The following HCRT variants were observed in gnomAD, a reference collection of about 807,000 sequenced individuals.
The protein encoded by HCRT is hypocretin (orexin) neuropeptide.
A neutral mutation model predicts 5.7 loss-of-function variants in HCRT; 5 were observed. That is an observed-to-expected ratio of 0.87 (90% CI 0.45 to 1.83). The LOEUF (loss-of-function observed/expected upper bound fraction) is 1.83. Among genes scored for constraint, HCRT ranks in the 40% most tolerant of loss-of-function variants. HCRT has a pLI of 0.02. For missense variants in HCRT, 207 were observed against 191.8 expected, an observed-to-expected ratio of 1.08 and a Z score of -0.47; for synonymous variants, 114 against 99.0, an observed-to-expected ratio of 1.15 and a Z score of -0.90.
chr17:42,184,549 C>T, intron 1 of HCRT, 21 bp from the exon 2 acceptor site: 1 of 1,493,122 alleles, frequency 6.7e-7, no homozygotes, highest in Non-Finnish European at 8.9e-7. Context: ...GGAGACAGGG[C>T]GCTGGGGGGG....
rs2079921349 is a variant in HCRT at position 42,184,082 on chromosome 17, C to T, written c.*72G>A. On this transcript the variant is annotated 3_prime_UTR_variant, in exon 2 of 2. Coordinates refer to ENST00000293330, the MANE Select transcript of HCRT (RefSeq NM_001524.1). ...ACGAATGGAGACTCGTCTTTATTGCCTTTTTTCTGGGGGCTGACGCTGGGT... is the reference window on the plus strand; with the variant it reads ...ACGAATGGAGACTCGTCTTTATTGCTTTTTTTCTGGGGGCTGACGCTGGGT... 5 of 1,233,194 alleles carry T rather than the reference C, an allele frequency of 4.1e-6. No individual in the cohort carries two copies. The highest frequency in any genetic ancestry group is 3.2e-4 in the Middle Eastern group (1 of 3,162). 76.4% of individuals were successfully genotyped at this position (1,233,194 alleles called of 1,614,324 possible).
At chr17:42,184,743 C>A (rs1458414759) in intron 1 of HCRT, among the ~76,000 whole-genome samples, 1 of 152,244 alleles carries the variant, frequency 6.6e-6, no homozygotes, top group Non-Finnish European at 1.5e-5. Context: ...CCCCAGGAAG[C>A]CTTTTGAGAC....
Position 42,184,248 on chromosome 17 carries a change from GCGCGGCGGCC to G in HCRT, c.292_301del (p.Gly98GlnfsTer58). ...GGGGCGCGGCGCTGGCTCTGCGCCT[GCGCGGCGGCC>G]CATGGTCAGGATGCCCGCGGCGTGG... is the stretch of plus-strand genomic sequence containing the variant. On this transcript the variant is annotated frameshift_variant, in exon 2 of 2. Coordinates refer to ENST00000293330, the MANE Select transcript of HCRT (RefSeq NM_001524.1). LOFTEE classifies it low-confidence loss of function (END_TRUNC). The G allele has an allele frequency of 7.4e-7, 1 of 1,354,648 alleles. No individual in the cohort carries two copies. Among genetic ancestry groups the G allele is most frequent in the Non-Finnish European group, 9.4e-7 (1 of 1,058,562 alleles). The allele number at this position is 1,354,648 out of a possible 1,614,324, so 83.9% of individuals were successfully genotyped here. A position where few individuals can be genotyped will look rare whatever the true frequency, so the allele number is the denominator to read the frequency against.
chr17:42,184,519 C>T lies in HCRT; in HGVS notation c.31G>A (p.Ala11Thr). Residue 11 changes from alanine (A) to threonine (T), a missense_variant, in exon 2 of 2, where the codon GCC becomes ACC. By Grantham distance (58) the Ala-to-Thr change is moderately conservative. Coordinates refer to ENST00000293330, the MANE Select transcript of HCRT (RefSeq NM_001524.1). MNLPSTKVSWAAVTLLLLLLL... is the reference protein window; with the variant it reads MNLPSTKVSWTAVTLLLLLLL... ...AGCAGCAGCAGTAGCGTCACGGCGGCCCAGGAGACCTAGGGAGACGGAGAC... is the reference window on the plus strand; with the variant it reads ...AGCAGCAGCAGTAGCGTCACGGCGGTCCAGGAGACCTAGGGAGACGGAGAC... 3.2e-6 allele frequency: 5 copies of T among 1,546,916 alleles called. No individual in the cohort carries two copies. The highest frequency in any genetic ancestry group is 4.3e-6 in the Non-Finnish European group (5 of 1,153,528).
rs1195427108 is a variant in HCRT, at chr17:42,184,472, C to T, written c.78G>A (p.Leu26=). 2.5e-6 allele frequency: 4 copies of T among 1,588,600 alleles called. No individual in the cohort carries two copies. The Admixed American group carries it at 5.1e-5, about 20-fold the overall frequency. ...GCTGTGCAGCCGCCCCGGACGACAA[C>T]AGCGCGGGCGGCAGCAGCAGCAGCA... The part of the protein sequence containing the change: ...LLLLLLLPPA[L]LSSGAAAQPL... The change falls in exon 2 of 2, where the codon CTG becomes CTA. Residue 26 remains leucine (L), a synonymous_variant. Coordinates refer to ENST00000293330, the MANE Select transcript of HCRT (RefSeq NM_001524.1).
At position 42,184,348 on chromosome 17, in the gene HCRT, T is replaced by C; in HGVS notation, c.202A>G (p.Lys68Glu). The change falls in exon 2 of 2, where the codon AAG becomes GAG. Residue 68 changes from lysine (K) to glutamate (E), a missense_variant. Transcript: ENST00000293330. ...AGGCCCGGGGGCCCGGACCTCCGCT[T>C]GCCCAGCGTGAGGATGCCGGCCGCG... ...NHAAGILTLGKRRSGPPGLQG... is the reference protein window; with the variant it reads ...NHAAGILTLGERRSGPPGLQG... The C allele has an allele frequency of 1.1e-5, 18 of 1,582,764 alleles. No homozygotes were observed. The highest frequency in any genetic ancestry group is 1.5e-5 in the Non-Finnish European group (18 of 1,169,926).
Position 42,184,189 on chromosome 17 carries a change from C to G in HCRT, c.361G>C (p.Ala121Pro). Residue 121 changes from alanine (A) to proline (P), a missense_variant, in exon 2 of 2, where the codon GCC becomes CCC. Transcript: ENST00000293330. ...GACTGTCCTCCGGGCGCGACGGAGG[C>G]GGCGGCCGGGGCGGAACAGCGGCGC... is the stretch of plus-strand genomic sequence containing the variant. ...LGRRCSAPAA[A>P]SVAPGGQSGI The G allele has an allele frequency of 7.8e-7, 1 of 1,281,972 alleles. No individual in the cohort carries two copies. Among genetic ancestry groups the G allele is most frequent in the Non-Finnish European group, 9.8e-7 (1 of 1,015,352 alleles). The allele number at this position is 1,281,972 out of a possible 1,614,324, so 79.4% of individuals were successfully genotyped here.
chr17:42,184,160 C>A lies in HCRT; in HGVS notation c.390G>T (p.Gly130=). The A allele has an allele frequency of 7.8e-7, 1 of 1,286,058 alleles. No individual in the cohort carries two copies. The allele number at this position is 1,286,058 out of a possible 1,614,324, so 79.7% of individuals were successfully genotyped here. ...ACAGGGCCCGAAGAACGACTCAGAT[C>A]CCGGACTGTCCTCCGGGCGCGACGG... The part of the protein sequence containing the change: ...AASVAPGGQS[G]I The change falls in exon 2 of 2, where the codon GGG becomes GGT. Residue 130 remains glycine, a synonymous_variant. Coordinates refer to ENST00000293330, the MANE Select transcript of HCRT (RefSeq NM_001524.1).
chr17:42,184,370 C>G lies in HCRT; in HGVS notation c.180G>C (p.Ala60=), dbSNP rs534685387. ...GCTTGCCCAGCGTGAGGATGCCGGC[C>G]GCGTGATTGCCCGCGCCGTGCAGCA... ...YELLHGAGNH[A]AGILTLGKRR... Residue 60 remains alanine (A), a synonymous_variant, in exon 2 of 2, where the codon GCG becomes GCC. Coordinates refer to ENST00000293330, the MANE Select transcript of HCRT (RefSeq NM_001524.1). 2.5e-6 allele frequency: 4 copies of G among 1,595,290 alleles called. No individual in the cohort carries two copies. In the African/African-American group the frequency reaches 4.0e-5, roughly 16 times the overall value.
At position 42,184,208 on chromosome 17, in the gene HCRT, G is replaced by C. The variant is rs536458711; in HGVS notation, c.342C>G (p.Arg114=). 129 of 1,304,066 alleles carry C rather than the reference G, an allele frequency of 9.9e-5. No individual in the cohort carries two copies. In the African/African-American group the frequency reaches 2.0e-3, roughly 20 times the overall value. 80.8% of individuals were successfully genotyped at this position (1,304,066 alleles called of 1,614,324 possible). A position where few individuals can be genotyped will look rare whatever the true frequency, so the allele number is the denominator to read the frequency against. The change falls in exon 2 of 2, where the codon CGC becomes CGG. Residue 114 remains arginine, a synonymous_variant. Transcript: ENST00000293330. ...EPAPRPCLGR[R]CSAPAAASVA... ...CGGAGGCGGCGGCCGGGGCGGAACA[G>C]CGGCGCCCGAGGCAGGGGCGCGGCG...
Position 42,184,142 on chromosome 17 carries a change from C to T in HCRT, c.*12G>A, listed in dbSNP as rs994316749. The T allele has an allele frequency of 3.1e-6, 4 of 1,280,016 alleles. No homozygotes were observed. In the African/African-American group the frequency reaches 4.7e-5, roughly 15 times the overall value. 79.3% of individuals were successfully genotyped at this position (1,280,016 alleles called of 1,614,324 possible). A position where few individuals can be genotyped will look rare whatever the true frequency, so the allele number is the denominator to read the frequency against. The stretch of plus-strand genomic sequence containing the variant: ...GCAGAGGCCTGGGCCAGGACAGGGC[C>T]CGAAGAACGACTCAGATCCCGGACT... On this transcript the variant is annotated 3_prime_UTR_variant, in exon 2 of 2. Coordinates refer to ENST00000293330, the MANE Select transcript of HCRT (RefSeq NM_001524.1).
chr17:42,185,195 T>C (rs925444687), intron 1 of HCRT, 150 bp downstream of exon 1: 12 of 741,600 alleles, frequency 1.6e-5, no homozygotes, highest in Non-Finnish European at 2.6e-5. Flanking sequence ...CCCAACCCAA[T>C]GTGAGCCAAG....
In HCRT at chr17:42,185,394, G is replaced by A. The variant is rs887016693; in HGVS notation, c.-29C>T. 5 of 1,612,850 alleles carry A rather than the reference G, an allele frequency of 3.1e-6. No individual in the cohort carries two copies. The highest frequency in any genetic ancestry group is 2.2e-5 in the East Asian group (1 of 44,874). ...GTCTGGCGCTCAGGGTGGGGTAGCC[G>A]GGAAAGGAGATGTCTGTGGTGGTTC... On this transcript the variant is annotated 5_prime_UTR_variant, in exon 1 of 2. Transcript: ENST00000293330.
chr17:42,184,482 G>GGCA lies in HCRT; in HGVS notation c.65_67dup (p.Leu22dup), dbSNP rs747632842. 281 of 1,578,192 alleles carry GGCA rather than the reference G, an allele frequency of 1.8e-4. No homozygotes were observed. The highest frequency in any genetic ancestry group is 2.1e-4 in the Non-Finnish European group (243 of 1,168,564). On this transcript the variant is annotated inframe_insertion, in exon 2 of 2. Transcript: ENST00000293330. ...CGCCCCGGACGACAACAGCGCGGGC[G>GGCA]GCAGCAGCAGCAGCAGCAGCAGTAG...
rs1024608856 is a variant in HCRT, at chr17:42,185,403, G to C, written c.-38C>G. 1.2e-6 allele frequency: 2 copies of C among 1,610,208 alleles called. No homozygotes were observed. Among genetic ancestry groups the C allele is most frequent in the African/African-American group, 2.7e-5 (2 of 74,814 alleles). On this transcript the variant is annotated 5_prime_UTR_variant, in exon 1 of 2. In the 5' UTR this introduces an upstream ATG that the reference lacks. Transcript: ENST00000293330. ...TCAGGGTGGGGTAGCCGGGAAAGGA[G>C]ATGTCTGTGGTGGTTCAAAAAGCCA...
At position 42,184,160 on chromosome 17, in the gene HCRT, C is replaced by T; in HGVS notation, c.390G>A (p.Gly130=). The T allele has an allele frequency of 7.8e-7, 1 of 1,286,058 alleles. No individual in the cohort carries two copies. Among genetic ancestry groups the T allele is most frequent in the South Asian group, 3.0e-5 (1 of 33,600 alleles). 79.7% of individuals were successfully genotyped at this position (1,286,058 alleles called of 1,614,324 possible). ...ACAGGGCCCGAAGAACGACTCAGAT[C>T]CCGGACTGTCCTCCGGGCGCGACGG... ...AASVAPGGQS[G]I Residue 130 remains glycine (G), a synonymous_variant, in exon 2 of 2, where the codon GGG becomes GGA. Transcript: ENST00000293330.
chr17:42,184,323 A>AGGCCCGGG lies in HCRT; in HGVS notation c.219_226dup (p.Leu76ProfsTer23). On this transcript the variant is annotated frameshift_variant, in exon 2 of 2. Coordinates refer to ENST00000293330, the MANE Select transcript of HCRT (RefSeq NM_001524.1). LOFTEE classifies it high-confidence loss of function. ...CAGGAGGCGCTGCAGCCGACCCTGG[A>AGGCCCGGG]GGCCCGGGGGCCCGGACCTCCGCTT... 1 of 1,549,856 alleles carries AGGCCCGGG rather than the reference A, an allele frequency of 6.5e-7. No individual in the cohort carries two copies. Among genetic ancestry groups the AGGCCCGGG allele is most frequent in the Non-Finnish European group, 8.7e-7 (1 of 1,153,962 alleles).
chr17:42,184,392 A>G lies in HCRT; in HGVS notation c.158T>C (p.Leu53Pro). The change falls in exon 2 of 2, where the codon CTG (leucine) becomes CCG (proline). Residue 53 changes from leucine (L) to proline (P), a missense_variant. Leu to Pro is a moderately conservative substitution (Grantham distance 98). Transcript: ENST00000293330. ...GGCCGCGTGATTGCCCGCGCCGTGC[A>G]GCAGCTCGTAGAGGCGGCAAGAGCA... is the stretch of plus-strand genomic sequence containing the variant. Reference protein sequence around the residue: ...KTCSCRLYELLHGAGNHAAGI... With the variant: ...KTCSCRLYELPHGAGNHAAGI... The G allele has an allele frequency of 6.2e-7, 1 of 1,601,398 alleles. No homozygotes were observed.
rs919360213 is a variant in HCRT at position 42,184,108 on chromosome 17, G to A, written c.*46C>T. On this transcript the variant is annotated 3_prime_UTR_variant, in exon 2 of 2. Transcript: ENST00000293330. ...TTTTTTCTGGGGGCTGACGCTGGGT[G>A]GGCAGAGGGCAGAGGCCTGGGCCAG... The A allele has an allele frequency of 1.2e-5, 15 of 1,250,684 alleles. No homozygotes were observed. In the African/African-American group the frequency reaches 1.7e-4, roughly 14 times the overall value. The allele number at this position is 1,250,684 out of a possible 1,614,324, so 77.5% of individuals were successfully genotyped here. A position where few individuals can be genotyped will look rare whatever the true frequency, so the allele number is the denominator to read the frequency against.
Sources: gnomAD v4.1 joint callset for allele counts (sites outside exome capture counted in the v4.1 genomes callset) on GRCh38, gnomAD v4.1.1 for gene constraint, MANE v1.5 for transcripts, NCBI Gene and HGNC (gene_info 2026-07-23, HGNC 2026-07-21) for gene names.